Variants in MAML2 observed in about 807,000 individuals in gnomAD.
MAML2 encodes the protein mastermind like transcriptional coactivator 2, also known as mastermind-like protein 2.
Under a neutral mutation model 96.1 loss-of-function variants are expected in MAML2, and 22 were observed. The ratio of observed to expected loss-of-function variants is 0.23; its 90% confidence interval spans 0.16 to 0.33. MAML2 has a LOEUF of 0.33. Ranked by LOEUF, MAML2 falls within the 10% of genes least tolerant of loss-of-function variation. MAML2 has a pLI of 1.00. For missense variants in MAML2, 1,367 were observed against 1,392.4 expected (o/e 0.98, Z 0.29); for synonymous variants, 561 against 521.3 (o/e 1.08, Z -1.04).
intron 1 of MAML2, among the ~76,000 whole-genome samples, chr11:96,193,335 C>T (rs1223864882): frequency 6.6e-6 from 1 of 152,152 alleles, no homozygotes; most frequent in African/African-American, 2.4e-5. Context: ...TGCCATTGCA[C>T]TCCAGCCTGG....
intron 2 of MAML2, among the ~76,000 whole-genome samples, chr11:96,029,586 C>T (rs1036139958): frequency 3.9e-5 from 6 of 152,054 alleles, no homozygotes; most frequent in East Asian, 1.9e-4. Context: ...AACAGGGTAA[C>T]GGATGGTACT....
In MAML2 at chr11:96,237,097, A is replaced by T. The variant is rs1054201049; in HGVS notation, c.513+104286T>A. The stretch of plus-strand genomic sequence containing the variant: ...TATCTGCATCAGTCTAAGCAGTTTC[A>T]AAGGAAGAACTGCAATGTTAAGCTG... On this transcript the variant is annotated intron_variant, in intron 1 of 4. Coordinates refer to ENST00000524717, the MANE Select transcript of MAML2 (RefSeq NM_032427.4). Among the ~76,000 whole-genome samples, 7 of 152,334 alleles carry T rather than the reference A, an allele frequency of 4.6e-5. 1 individual carries two copies. Among genetic ancestry groups the T allele is most frequent in the Admixed American group, 3.9e-4 (6 of 15,300 alleles).
At position 95,979,365 on chromosome 11, in the gene MAML2, G is replaced by T. The variant is rs1317782949; in HGVS notation, c.3054C>A (p.Asn1018Lys). 6.2e-7 allele frequency: 1 copy of T among 1,613,770 alleles called. No homozygotes were observed. Among genetic ancestry groups the T allele is most frequent in the Admixed American group, 1.7e-5 (1 of 59,978 alleles). ...QFSQRAVAPP[N>K]QLTPAVQMRP... The stretch of plus-strand genomic sequence containing the variant: ...TCATTTGCACTGCTGGTGTTAACTG[G>T]TTAGGAGGAGCCACTGCCCTCTGGG... The change falls in exon 5 of 5, where the codon AAC becomes AAA. Residue 1018 changes from asparagine (N) to lysine (K), a missense_variant. Physicochemically the swap from Asn to Lys is moderately conservative, Grantham distance 94. Coordinates refer to ENST00000524717, the MANE Select transcript of MAML2 (RefSeq NM_032427.4).
At chr11:96,136,187 A>G (rs570976496) in intron 1 of MAML2, among the ~76,000 whole-genome samples, 1 of 152,200 alleles carries the variant, frequency 6.6e-6, no homozygotes, top group Non-Finnish European at 1.5e-5. Flanking sequence ...TCTATACAGT[A>G]AGTCACAATT....
chr11:96,004,487 C>T (rs958493014), intron 2 of MAML2, among the ~76,000 whole-genome samples: 5 of 152,072 alleles, frequency 3.3e-5, no homozygotes, highest in African/African-American at 1.2e-4. Context: ...TGGAATTTCA[C>T]CTTAATGACA....
At chr11:95,983,745 A>G (rs925517359) in intron 4 of MAML2, among the ~76,000 whole-genome samples, 2 of 152,182 alleles carry the variant, frequency 1.3e-5, no homozygotes, top group African/African-American at 4.8e-5. Context: ...TTCTAGAATA[A>G]GGATATAGAG....
At chr11:96,023,725 T>C (rs619964) in intron 2 of MAML2, among the ~76,000 whole-genome samples, 39,116 of 152,094 alleles carry the variant, frequency 0.26, 5,245 homozygotes, top group South Asian at 0.38. Context: ...GCTTTTCCTA[T>C]ACAAGTAGTT....
At chr11:96,211,719 T>C (rs966955705) in intron 1 of MAML2, among the ~76,000 whole-genome samples, 4 of 152,098 alleles carry the variant, frequency 2.6e-5, no homozygotes, top group Non-Finnish European at 1.5e-5. Flanking sequence ...GTGGAGCAGA[T>C]GGAAAGGGGT....
intron 2 of MAML2, among the ~76,000 whole-genome samples, chr11:96,069,852 G>T (rs138015232): frequency 6.6e-6 from 1 of 151,698 alleles, no homozygotes. Context: ...GTGAAACCCC[G>T]TCTCTACTAA....
intron 1 of MAML2, among the ~76,000 whole-genome samples, chr11:96,169,518 C>A (rs777838069): frequency 6.6e-6 from 1 of 152,354 alleles, no homozygotes; most frequent in Non-Finnish European, 1.5e-5. Context: ...AACCTGGTCA[C>A]GTCCTGGGAC....
intron 1 of MAML2, among the ~76,000 whole-genome samples, chr11:96,195,016 C>G (rs1259925601): frequency 6.6e-6 from 1 of 152,158 alleles, no homozygotes; most frequent in Non-Finnish European, 1.5e-5. Flanking sequence ...CTGACTGTGT[C>G]TATGAGGGCA....
At chr11:96,199,544 A>AC (rs1355659573) in intron 1 of MAML2, among the ~76,000 whole-genome samples, 1 of 150,224 alleles carries the variant, frequency 6.7e-6, no homozygotes, top group African/African-American at 2.5e-5. Context: ...TTTTTTGAGC[A>AC]AGTGATGACA....
intron 2 of MAML2, among the ~76,000 whole-genome samples, chr11:96,031,359 TTG>T (rs938055240): frequency 5.7e-5 from 8 of 141,144 alleles, no homozygotes; most frequent in African/African-American, 2.0e-4. Context: ...GTGTGTGTGT[TTG>T]TGTGTTTTCT....
intron 1 of MAML2, among the ~76,000 whole-genome samples, chr11:96,177,549 A>G (rs2135906868): frequency 6.6e-6 from 1 of 152,318 alleles, no homozygotes; most frequent in South Asian, 2.1e-4. Context: ...AAATCTGACA[A>G]TGTGGTGGGG....
intron 1 of MAML2, among the ~76,000 whole-genome samples, chr11:96,205,328 A>C (rs1861880699): frequency 6.6e-6 from 1 of 152,200 alleles, no homozygotes; most frequent in East Asian, 1.9e-4. Flanking sequence ...CCCGGGCCTT[A>C]ACATGATGCC....
intron 1 of MAML2, among the ~76,000 whole-genome samples, chr11:96,277,641 A>C (rs1180234211): frequency 6.6e-6 from 1 of 150,802 alleles, no homozygotes; most frequent in African/African-American, 2.4e-5. Flanking sequence ...AATCCCAGCT[A>C]TCTGGGAGGC....
At chr11:96,149,963 T>A (rs1860893912) in intron 1 of MAML2, among the ~76,000 whole-genome samples, 1 of 152,186 alleles carries the variant, frequency 6.6e-6, no homozygotes, top group Non-Finnish European at 1.5e-5. Flanking sequence ...TGCATATGAC[T>A]CCTGAGTCAT....
At chr11:96,212,331 C>T (rs1430876593) in intron 1 of MAML2, among the ~76,000 whole-genome samples, 1 of 151,814 alleles carries the variant, frequency 6.6e-6, no homozygotes, top group Non-Finnish European at 1.5e-5. Flanking sequence ...TGTCTGCGAT[C>T]ACCGAGAAGA....
chr11:95,991,475 T>G, intron 3 of MAML2, 45 bp downstream of exon 3: 4 of 1,563,942 alleles, frequency 2.6e-6, no homozygotes, highest in Non-Finnish European at 3.5e-6. Flanking sequence ...ACTCCCTCTG[T>G]TGGGTCAACA....
Sources: gnomAD v4.1 joint callset for allele counts (sites outside exome capture counted in the v4.1 genomes callset) on GRCh38, gnomAD v4.1.1 for gene constraint, MANE v1.5 for transcripts, NCBI Gene and HGNC (gene_info 2026-07-23, HGNC 2026-07-21) for gene names.